EML1: variants seen among roughly 807,000 people sequenced by gnomAD.
EML1 encodes echinoderm microtubule-associated protein-like 1.
In EML1, 27 loss-of-function variants were observed where a neutral mutation model predicts 110.4. That is an observed-to-expected ratio of 0.24 (90% CI 0.18 to 0.34). The LOEUF (loss-of-function observed/expected upper bound fraction) is 0.34, where lower values mean the gene tolerates loss of function less well. Among genes scored for constraint, EML1 ranks in the 10% least tolerant of loss-of-function variants. The pLI is 1.00. For missense variants in EML1, 741 were observed against 1,030.9 expected (o/e 0.72, Z 3.85); for synonymous variants, 344 against 385.8 (o/e 0.89, Z 1.27).
intron 5 of EML1, among the ~76,000 whole-genome samples, chr14:99,894,052 C>T (rs1036857282): frequency 6.6e-6 from 1 of 152,004 alleles, no homozygotes; most frequent in Non-Finnish European, 1.5e-5. Flanking sequence ...CTTTTGTTTT[C>T]CATTTCTAGA....
chr14:99,857,515 A>G (rs1431874974), intron 2 of EML1, among the ~76,000 whole-genome samples: 1 of 152,174 alleles, frequency 6.6e-6, no homozygotes, highest in African/African-American at 2.4e-5. Flanking sequence ...CATCACCACT[A>G]TCTAATTTTA....
chr14:99,893,267 TG>T (rs2059618485), intron 5 of EML1, among the ~76,000 whole-genome samples: 1 of 150,338 alleles, frequency 6.7e-6, no homozygotes. Context: ...TCCGTAAACC[TG>T]GTTTGGGCCT....
intron 1 of EML1, among the ~76,000 whole-genome samples, chr14:99,762,234 G>GT (rs561144881): frequency 1.3e-5 from 2 of 152,098 alleles, no homozygotes; most frequent in African/African-American, 2.4e-5. Flanking sequence ...TAAATCTAGT[G>GT]TTTTTTTCAT....
chr14:99,814,866 T>C (rs968243069), intron 1 of EML1, among the ~76,000 whole-genome samples: 5 of 152,176 alleles, frequency 3.3e-5, no homozygotes, highest in African/African-American at 1.2e-4. Context: ...AGCACTATGC[T>C]AGCATATATG....
chr14:99,860,003 C>T (rs1234759399), intron 2 of EML1, among the ~76,000 whole-genome samples: 1 of 152,116 alleles, frequency 6.6e-6, no homozygotes, highest in African/African-American at 2.4e-5. Context: ...GGTGGGTGGG[C>T]ACTCTGACCT....
intron 12 of EML1, among the ~76,000 whole-genome samples, chr14:99,910,833 C>T (rs920379145): frequency 6.6e-6 from 1 of 152,124 alleles, no homozygotes; most frequent in South Asian, 2.1e-4. Flanking sequence ...AGAAAGCATG[C>T]GTCCAGTTAA....
At chr14:99,893,342 G>A (rs2059619149) in intron 5 of EML1, among the ~76,000 whole-genome samples, 1 of 152,162 alleles carries the variant, frequency 6.6e-6, no homozygotes, top group African/African-American at 2.4e-5. Context: ...TGTGGTGATG[G>A]GGCCCCAGTG....
chr14:99,855,537 A>C (rs1308438834), intron 2 of EML1, among the ~76,000 whole-genome samples: 1 of 152,188 alleles, frequency 6.6e-6, no homozygotes, highest in Non-Finnish European at 1.5e-5. Context: ...TAAAATGTAA[A>C]ATGTAGATGA....
At chr14:99,805,352 C>T (rs2057951657) in intron 1 of EML1, among the ~76,000 whole-genome samples, 1 of 152,212 alleles carries the variant, frequency 6.6e-6, no homozygotes, top group Admixed American at 6.5e-5. Flanking sequence ...TGTTAGCAGC[C>T]CGCACCAACT....
At chr14:99,849,557 G>GTTTA (rs1566896684) in intron 1 of EML1, among the ~76,000 whole-genome samples, 3 of 150,226 alleles carry the variant, frequency 2.0e-5, no homozygotes, top group African/African-American at 2.5e-5. Context: ...TTATTTATTT[G>GTTTA]TTTATTTTGA....
At chr14:99,747,963 G>A (rs770504949) in intron 1 of EML1, among the ~76,000 whole-genome samples, 5 of 152,194 alleles carry the variant, frequency 3.3e-5, no homozygotes, top group South Asian at 2.1e-4. Context: ...GGCAATGACC[G>A]AAAACCAGGG....
In EML1 at chr14:99,916,354, T is replaced by A. The variant is rs190811882; in HGVS notation, c.1753-1428T>A. Among the ~76,000 whole-genome samples, 20 of 152,376 alleles carry A rather than the reference T, an allele frequency of 1.3e-4. No individual in the cohort carries two copies. The East Asian group carries it at 3.5e-3, about 26-fold the overall frequency. ...TGTGTATTAGTGGCAGCTCTGAGCT[T>A]AATTACAGCTCCCACTGTAGAAAGA... On this transcript the variant is annotated intron_variant, in intron 15 of 21. Coordinates refer to ENST00000262233, the MANE Select transcript of EML1 (RefSeq NM_004434.3).
intron 3 of EML1, among the ~76,000 whole-genome samples, chr14:99,868,415 G>A (rs2059138348): frequency 6.6e-6 from 1 of 152,144 alleles, no homozygotes; most frequent in South Asian, 2.1e-4. Flanking sequence ...ATGTTTGATA[G>A]AATTCTCCGC....
chr14:99,864,438 T>A (rs1192730830), intron 2 of EML1, among the ~76,000 whole-genome samples: 3 of 152,208 alleles, frequency 2.0e-5, no homozygotes, highest in Admixed American at 2.0e-4. Context: ...AGTTTTATAG[T>A]TTTGCATTTT....
At chr14:99,884,780 C>T (rs753399262) in intron 4 of EML1, among the ~76,000 whole-genome samples, 1 of 152,200 alleles carries the variant, frequency 6.6e-6, no homozygotes, top group Non-Finnish European at 1.5e-5. Context: ...AAGGCAAACA[C>T]CTTCTAGCAC....
chr14:99,897,150 G>A lies in EML1; in HGVS notation c.683G>A (p.Gly228Glu). ...TTATCTTGACATCCACAAAGCTATG[G>A]GTACAGGGGTCGAGACTGCCGTAAC... is the stretch of plus-strand genomic sequence containing the variant. ...TKRLKLEWVYGYRGRDCRNNL... is the reference protein window; with the variant it reads ...TKRLKLEWVYEYRGRDCRNNL... The change falls in exon 7 of 22, where the codon GGG (glycine) becomes GAG (glutamate). Residue 228 changes from glycine to glutamate, a missense_variant. Gly to Glu is a moderately conservative substitution (Grantham distance 98, BLOSUM62 -2). Around this residue, in one of 4 missense-constraint regions of EML1, gnomAD observed 13 missense variants for 47.2 expected, o/e 0.28. Coordinates refer to ENST00000262233, the MANE Select transcript of EML1 (RefSeq NM_004434.3). 1 of 1,576,590 alleles carries A rather than the reference G, an allele frequency of 6.3e-7. No individual in the cohort carries two copies. The highest frequency in any genetic ancestry group is 1.2e-5 in the South Asian group (1 of 85,146).
intron 1 of EML1, among the ~76,000 whole-genome samples, chr14:99,806,677 C>T (rs575540218): frequency 3.9e-5 from 6 of 152,154 alleles, no homozygotes; most frequent in Non-Finnish European, 5.9e-5. Context: ...AGTACAAGAC[C>T]ACTCTCAAGA....
chr14:99,795,485 A>G (rs2139668876), intron 1 of EML1, among the ~76,000 whole-genome samples: 1 of 152,332 alleles, frequency 6.6e-6, no homozygotes, highest in Non-Finnish European at 1.5e-5. Flanking sequence ...TGTCTAATGA[A>G]TAAAGTTTAA....
At chr14:99,903,784 CATTT>C (rs2059798624) in intron 9 of EML1, among the ~76,000 whole-genome samples, 1 of 141,608 alleles carries the variant, frequency 7.1e-6, no homozygotes. Flanking sequence ...TAAATCTATT[CATTT>C]TTTTTTTTTT....
Sources: allele counts gnomAD v4.1 joint callset (sites outside exome capture counted in the v4.1 genomes callset), GRCh38; gene constraint gnomAD v4.1.1; regional missense constraint gnomAD v4.1.1; transcripts MANE v1.5; gene names NCBI Gene and HGNC (gene_info 2026-07-23, HGNC 2026-07-21).